WDR4: variants seen among roughly 807,000 people sequenced by gnomAD.
WDR4 encodes WDR4 tRNA N7-guanosine methyltransferase non-catalytic subunit.
In WDR4, 47 loss-of-function variants were observed where a neutral mutation model predicts 48.6. That is an observed-to-expected ratio of 0.97 (90% CI 0.77 to 1.23). The LOEUF (loss-of-function observed/expected upper bound fraction) is 1.23. Ranked by LOEUF, WDR4 falls within the 50% of genes most tolerant of loss-of-function variation. The pLI, the probability that WDR4 is intolerant of heterozygous loss-of-function variation, is 0.00. For missense variants in WDR4, 606 were observed against 551.6 expected, an observed-to-expected ratio of 1.10 and a Z score of -0.99; for synonymous variants, 268 against 230.0, an observed-to-expected ratio of 1.17 and a Z score of -1.49.
chr21:42,864,817 C>T (rs1018108200), intron 3 of WDR4, among the ~76,000 whole-genome samples: 3 of 152,138 alleles, frequency 2.0e-5, no homozygotes, highest in African/African-American at 4.8e-5. Flanking sequence ...AGGCAGGGAC[C>T]CATATGTTCT....
the WDR4 span, among the ~76,000 whole-genome samples, chr21:42,889,670 T>C: frequency 6.6e-6 from 1 of 152,228 alleles, no homozygotes; most frequent in Admixed American, 6.5e-5. Context: ...TACTTGATTA[T>C]ATGGTCATTT....
chr21:42,862,078 C>T lies in WDR4; in HGVS notation c.566+204G>A, dbSNP rs952704855. Among the ~76,000 whole-genome samples, 7 of 152,304 alleles carry T rather than the reference C, an allele frequency of 4.6e-5. No individual in the cohort carries two copies. Among genetic ancestry groups the T allele is most frequent in the South Asian group, 2.1e-4 (1 of 4,830 alleles). ...AATGCCAAGTTACTGGCACAGACTCCGGGTAACAGCGCAGAGTGAACCCCA... is the reference window on the plus strand; with the variant it reads ...AATGCCAAGTTACTGGCACAGACTCTGGGTAACAGCGCAGAGTGAACCCCA... On this transcript the variant is annotated intron_variant, in intron 5 of 10. Coordinates refer to ENST00000398208, the MANE Select transcript of WDR4 (RefSeq NM_018669.6). The surrounding 1 kb of genome is among the most constrained non-coding windows in gnomAD (Gnocchi z 4.3).
Position 42,879,414 on chromosome 21 carries a change from C to T in WDR4, c.82G>A (p.Ala28Thr), listed in dbSNP as rs1259274683. The T allele has an allele frequency of 6.2e-7, 1 of 1,613,678 alleles. No individual in the cohort carries two copies. Among genetic ancestry groups the T allele is most frequent in the Non-Finnish European group, 8.5e-7 (1 of 1,179,870 alleles). Reference sequence around the variant, plus strand: ...AGACCAAGGCCCCCTCACCTGCTTGCTATGGAGGTGGCCAGGAATCGGCTG... The same window carrying T: ...AGACCAAGGCCCCCTCACCTGCTTGTTATGGAGGTGGCCAGGAATCGGCTG... Reference protein sequence around the residue: ...GGSRFLATSIASSDDDSLFIY... With the variant: ...GGSRFLATSITSSDDDSLFIY... The change falls in exon 1 of 11, where the codon GCA (alanine) becomes ACA (threonine). Residue 28 changes from alanine (A) to threonine (T), a missense_variant. By Grantham distance (58) the Ala-to-Thr change is moderately conservative. Coordinates refer to ENST00000398208, the MANE Select transcript of WDR4 (RefSeq NM_018669.6).
intron 9 of WDR4, among the ~76,000 whole-genome samples, chr21:42,852,915 C>CA (rs56058858): frequency 0.44 from 59,233 of 135,074 alleles, 13,382 homozygotes; most frequent in African/African-American, 0.6. Context: ...AACTCCGTCT[C>CA]AAAAAAAAAA....
At chr21:42,846,039 G>T (rs566366775), downstream of WDR4, among the ~76,000 whole-genome samples, 1 of 152,196 alleles carries the variant, frequency 6.6e-6, no homozygotes, top group Admixed American at 6.5e-5. Context: ...GACTGAGGTG[G>T]GAGGATCGCT....
chr21:42,886,896 A>T, the WDR4 span: 1 of 152,238 alleles, frequency 6.6e-6, no homozygotes, highest in Non-Finnish European at 1.5e-5. Flanking sequence ...CACTGGTAGG[A>T]TGTGTTTCCT....
downstream of WDR4, among the ~76,000 whole-genome samples, chr21:42,845,995 G>A (rs959720437): frequency 2.0e-5 from 3 of 152,032 alleles, no homozygotes; most frequent in East Asian, 1.9e-4. Flanking sequence ...TAGCCAGCAC[G>A]CAGGCACACA....
Position 42,873,690 on chromosome 21 carries a change from C to T in WDR4, c.157G>A (p.Glu53Lys). 1.2e-6 allele frequency: 2 copies of T among 1,613,112 alleles called. No homozygotes were observed. ...CTCCCCTGGTCCAAGGGCGCGTCCT[C>T]CCTGAGGAAGAGAGGAGGAAGACGG... ...AEKKSQENKG[E>K]DAPLDQGSGA... is the part of the protein sequence containing the mutation. The change falls in exon 3 of 11, where the codon GAG becomes AAG. Residue 53 changes from glutamate to lysine, a missense_variant and splice_region_variant. By Grantham distance (56) the Glu-to-Lys change is moderately conservative. Coordinates refer to ENST00000398208, the MANE Select transcript of WDR4 (RefSeq NM_018669.6).
At chr21:42,850,767 C>T (rs910056631) in intron 10 of WDR4, among the ~76,000 whole-genome samples, 3 of 152,194 alleles carry the variant, frequency 2.0e-5, no homozygotes, top group South Asian at 2.1e-4. Flanking sequence ...GGGTGGGGTG[C>T]CTTAAGGCAT....
At chr21:42,867,392 CCAA>C (rs2058271387) in intron 3 of WDR4, among the ~76,000 whole-genome samples, 6 of 64,944 alleles carry the variant, frequency 9.2e-5, no homozygotes, top group Admixed American at 1.2e-4. Flanking sequence ...CTCCGCTCCA[CCAA>C]AAAAAAAAAA....
At chr21:42,854,245 C>T (rs1455815971) in intron 8 of WDR4, among the ~76,000 whole-genome samples, 2 of 152,242 alleles carry the variant, frequency 1.3e-5, no homozygotes, top group East Asian at 3.8e-4. Context: ...TCCGACCAGC[C>T]CCGAGCCGGG....
chr21:42,846,225 AG>A (rs2145978557), downstream of WDR4, among the ~76,000 whole-genome samples: 1 of 152,224 alleles, frequency 6.6e-6, no homozygotes, highest in East Asian at 1.9e-4. Flanking sequence ...CATTGATAAT[AG>A]AATGAACGTG....
intron 3 of WDR4, among the ~76,000 whole-genome samples, chr21:42,868,027 A>G (rs1055924555): frequency 5.9e-5 from 9 of 152,114 alleles, no homozygotes; most frequent in African/African-American, 2.2e-4. Flanking sequence ...TGCATCCACC[A>G]CGAGTCCCAA....
chr21:42,862,796 T>C lies in WDR4; in HGVS notation c.454-402A>G, dbSNP rs1248895736. 6.6e-6 allele frequency among the ~76,000 whole-genome samples: 1 copy of C among 152,160 alleles called. No individual in the cohort carries two copies. The highest frequency in any genetic ancestry group is 2.1e-4 in the South Asian group (1 of 4,828). On this transcript the variant is annotated intron_variant, in intron 4 of 10. Coordinates refer to ENST00000398208, the MANE Select transcript of WDR4 (RefSeq NM_018669.6). The surrounding 1 kb of genome is among the most constrained non-coding windows in gnomAD (Gnocchi z 4.3). Reference sequence around the variant, plus strand: ...TCACACATGTCCCCACACCCATCTGTCACCAAGTCCCAGTGAGGTTCCCTT... The same window carrying C: ...TCACACATGTCCCCACACCCATCTGCCACCAAGTCCCAGTGAGGTTCCCTT...
chr21:42,854,326 G>A (rs1602700830), intron 8 of WDR4, among the ~76,000 whole-genome samples: 1 of 152,230 alleles, frequency 6.6e-6, no homozygotes, highest in Non-Finnish European at 1.5e-5. Context: ...AGAGGCTGCT[G>A]GTGCTCTTTA....
intron 1 of WDR4, among the ~76,000 whole-genome samples, chr21:42,878,440 C>T (rs894772510): frequency 1.8e-4 from 27 of 152,176 alleles, no homozygotes; most frequent in Non-Finnish European, 3.4e-4. Context: ...AGATATTAGA[C>T]CGTGAGTCTC....
chr21:42,874,099 A>G (rs1444788106), intron 2 of WDR4, among the ~76,000 whole-genome samples: 3 of 152,232 alleles, frequency 2.0e-5, no homozygotes, highest in Admixed American at 2.0e-4. Context: ...CAGGGACCCC[A>G]AACGGAGGGA....
At chr21:42,846,778 T>C (rs1369754890), downstream of WDR4, among the ~76,000 whole-genome samples, 1 of 151,856 alleles carries the variant, frequency 6.6e-6, no homozygotes, top group African/African-American at 2.4e-5. Context: ...TCCCAGCACT[T>C]TGGGAGTGCG....
chr21:42,864,666 G>A (rs928868286), intron 3 of WDR4, among the ~76,000 whole-genome samples: 5 of 152,162 alleles, frequency 3.3e-5, no homozygotes, highest in African/African-American at 9.7e-5. Context: ...GATGCAGCAC[G>A]TTTGCACACT....
Sources: allele counts gnomAD v4.1 joint callset (sites outside exome capture counted in the v4.1 genomes callset), GRCh38; gene constraint gnomAD v4.1.1; non-coding constraint Gnocchi (gnomAD v3.1); transcripts MANE v1.5; gene names NCBI Gene and HGNC (gene_info 2026-07-23, HGNC 2026-07-21).